Variants in LRRK2 observed in about 807,000 individuals in gnomAD.
LRRK2 encodes the protein leucine-rich repeat serine/threonine-protein kinase 2.
LRRK2 carries 203 observed loss-of-function variants against 302.6 expected under a neutral mutation model. That is an observed-to-expected ratio of 0.67 (90% confidence interval 0.60 to 0.75). The LOEUF is 0.75. Ranked by LOEUF, LRRK2 falls within the 30% of genes least tolerant of loss-of-function variation. The probability of loss-of-function intolerance (pLI) is 0.00; values close to 1 mark genes in which losing one functional copy is unlikely to be tolerated. For missense variants in LRRK2, 2,830 were observed against 2,951.0 expected, an observed-to-expected ratio of 0.96 and a Z score of 0.95; for synonymous variants, 1,066 against 1,031.9, an observed-to-expected ratio of 1.03 and a Z score of -0.63.
At chr12:40,357,299 G>A (rs978832761) in intron 46 of LRRK2, among the ~76,000 whole-genome samples, 6 of 152,038 alleles carry the variant, frequency 3.9e-5, no homozygotes, top group East Asian at 3.9e-4. Context: ...ATAGTATTCC[G>A]TTATGTAAAT....
rs764319889 is a variant in LRRK2, at chr12:40,278,182, A to G, written c.2162A>G (p.Asn721Ser). ...CTAGAGAGAGCGTGTGATCAGAATA[A>G]CAGCATCATGGTTGAATGCTTGCTT... ...VMLERACDQN[N>S]SIMVECLLLL... Residue 721 changes from asparagine (N) to serine (S), a missense_variant, in exon 18 of 51, where the codon AAC becomes AGC. Transcript: ENST00000298910. 51 of 1,614,012 alleles carry G rather than the reference A, an allele frequency of 3.2e-5. No homozygotes were observed. The highest frequency in any genetic ancestry group is 4.2e-5 in the Non-Finnish European group (49 of 1,180,014).
At chr12:40,332,998 G>C (rs1392629707) in intron 39 of LRRK2, among the ~76,000 whole-genome samples, 1 of 149,306 alleles carries the variant, frequency 6.7e-6, no homozygotes, top group Non-Finnish European at 1.5e-5. Flanking sequence ...CAAAAAGAAA[G>C]AAAAATGACA....
At chr12:40,341,741 G>A (rs1193428245) in intron 41 of LRRK2, among the ~76,000 whole-genome samples, 1 of 152,114 alleles carries the variant, frequency 6.6e-6, no homozygotes, top group Non-Finnish European at 1.5e-5. Context: ...AATTGGCCAA[G>A]ATAAGAATTC....
intron 41 of LRRK2, among the ~76,000 whole-genome samples, chr12:40,343,448 T>C (rs1946108148): frequency 6.6e-6 from 1 of 152,192 alleles, no homozygotes; most frequent in Non-Finnish European, 1.5e-5. Context: ...CGGCTGGACA[T>C]ACATGAATAT....
intron 11 of LRRK2, among the ~76,000 whole-genome samples, chr12:40,255,792 A>G (rs1245159967): frequency 6.6e-6 from 1 of 152,154 alleles, no homozygotes; most frequent in Non-Finnish European, 1.5e-5. Context: ...ACTTTGGGAA[A>G]GGTTATTACA....
At chr12:40,237,411 G>C (rs1941516092) in intron 4 of LRRK2, among the ~76,000 whole-genome samples, 1 of 152,198 alleles carries the variant, frequency 6.6e-6, no homozygotes, top group Non-Finnish European at 1.5e-5. Flanking sequence ...CAATAGGAAT[G>C]AAGGTGCCTT....
chr12:40,319,423 G>A (rs1201690126), intron 33 of LRRK2, among the ~76,000 whole-genome samples: 1 of 151,852 alleles, frequency 6.6e-6, no homozygotes. Context: ...GAAACATCGG[G>A]GTTGCTCTTT....
chr12:40,340,489 C>A (rs1489220334), intron 41 of LRRK2, 35 bp downstream of exon 41: 6 of 1,609,512 alleles, frequency 3.7e-6, no homozygotes, highest in Non-Finnish European at 5.1e-6. Context: ...ATTCTATCTT[C>A]AGGATGGATA....
chr12:40,277,102 G>A (rs1943490190), intron 16 of LRRK2, among the ~76,000 whole-genome samples: 1 of 152,150 alleles, frequency 6.6e-6, no homozygotes, highest in Non-Finnish European at 1.5e-5. Context: ...TGAGATTACA[G>A]GTGTGAGCCA....
chr12:40,358,763 T>A (rs984694414), intron 46 of LRRK2, among the ~76,000 whole-genome samples: 5 of 152,140 alleles, frequency 3.3e-5, no homozygotes, highest in African/African-American at 1.2e-4. Context: ...GTGAGAAATA[T>A]CATTGGAGCT....
rs767386104 is a variant in LRRK2, at chr12:40,274,743, A to C, written c.1801+16A>C. 1.2e-6 allele frequency: 2 copies of C among 1,613,992 alleles called. No homozygotes were observed. Among genetic ancestry groups the C allele is most frequent in the Non-Finnish European group, 1.7e-6 (2 of 1,179,912 alleles). ...GATGACCAAGGTCAGTACAATTTGA[A>C]TTCAGGATTTAGAATAGATTTTTGT... On this transcript the variant is annotated intron_variant, in intron 15 of 50. Transcript: ENST00000298910.
rs1944518562 is a variant in LRRK2 at position 40,299,015 on chromosome 12, A to T, written c.3348-94A>T. On this transcript the variant is annotated intron_variant, in intron 24 of 50. Transcript: ENST00000298910. ...TTTTTAAATTAATGAGTCCTCTTTG[A>T]TGCTGTTCTTTGAAAGCAAATTGTT... 5.5e-6 allele frequency: 7 copies of T among 1,269,572 alleles called. No individual in the cohort carries two copies. The Admixed American group carries it at 1.4e-4, about 25-fold the overall frequency. 78.6% of individuals were successfully genotyped at this position (1,269,572 alleles called of 1,614,324 possible).
intron 27 of LRRK2, among the ~76,000 whole-genome samples, chr12:40,305,396 G>T (rs954273876): frequency 6.6e-6 from 1 of 152,084 alleles, no homozygotes; most frequent in Non-Finnish European, 1.5e-5. Flanking sequence ...TTGCATGCAG[G>T]TTTGTAGTGA....
chr12:40,259,335 C>T lies in LRRK2; in HGVS notation c.1419-145C>T, dbSNP rs1942667600. On this transcript the variant is annotated intron_variant, in intron 12 of 50. Coordinates refer to ENST00000298910, the MANE Select transcript of LRRK2 (RefSeq NM_198578.4). ...TTAGACAATTAAAATTATGTATGCT[C>T]ATACTACTGATTTCAAATGCATTTT... The T allele has an allele frequency of 4.3e-6, 4 of 927,018 alleles. No homozygotes were observed. The South Asian group carries it at 5.6e-5, about 13-fold the overall frequency. 57.4% of individuals were successfully genotyped at this position (927,018 alleles called of 1,614,324 possible).
At chr12:40,274,539 T>C in intron 14 of LRRK2, 44 bp from the exon 15 acceptor site, 1 of 1,598,572 alleles carries the variant, frequency 6.3e-7, no homozygotes. Context: ...CTAAGGTAAG[T>C]ATTAAGATCT....
At chr12:40,349,965 G>C (rs1219906659) in intron 43 of LRRK2, among the ~76,000 whole-genome samples, 1 of 152,216 alleles carries the variant, frequency 6.6e-6, no homozygotes, top group Non-Finnish European at 1.5e-5. Flanking sequence ...CTTGAGATTT[G>C]TTTTTTAACT....
chr12:40,244,695 AAT>A (rs1314416273), intron 7 of LRRK2, among the ~76,000 whole-genome samples: 1 of 138,960 alleles, frequency 7.2e-6, no homozygotes, highest in Non-Finnish European at 1.5e-5. Context: ...ACGTATTGAA[AAT>A]ACCTTCCCTT....
chr12:40,338,435 A>G lies in LRRK2; in HGVS notation c.5949-1859A>G, dbSNP rs1945940278. Among the ~76,000 whole-genome samples the G allele has an allele frequency of 2.6e-5, 4 of 152,358 alleles. No individual in the cohort carries two copies. In the South Asian group the frequency reaches 8.3e-4, roughly 32 times the overall value. ...AAAGAAGTCTCTTAGCAACTCTTAC[A>G]ATAATCACAATCAAAGAATGACTGT... is the stretch of plus-strand genomic sequence containing the variant. On this transcript the variant is annotated intron_variant, in intron 40 of 50. Transcript: ENST00000298910.
At position 40,353,589 on chromosome 12, in the gene LRRK2, G is replaced by A. The variant is rs543366506; in HGVS notation, c.6577-710G>A. On this transcript the variant is annotated intron_variant, in intron 44 of 50. Transcript: ENST00000298910. ...TCACTTCCCAGACGGGGTGGCGGCC[G>A]GGCAGAGGCTGCAATCTCGGCACTT... Among the ~76,000 whole-genome samples, 1,213 of 152,194 alleles carry A rather than the reference G, an allele frequency of 8.0e-3. 10 individuals are homozygous for A. Among genetic ancestry groups the A allele is most frequent in the Non-Finnish European group, 0.014 (943 of 67,978 alleles).
Sources: gnomAD v4.1 joint callset for allele counts (sites outside exome capture counted in the v4.1 genomes callset) on GRCh38, gnomAD v4.1.1 for gene constraint, MANE v1.5 for transcripts, NCBI Gene and HGNC (gene_info 2026-07-23, HGNC 2026-07-21) for gene names.